Variants in METTL25 observed in about 807,000 individuals in gnomAD.
METTL25 encodes the protein methyltransferase like 25.
Under a neutral mutation model 71.6 loss-of-function variants are expected in METTL25, and 64 were observed. That is an observed-to-expected ratio of 0.89 (90% confidence interval 0.73 to 1.10). The LOEUF (loss-of-function observed/expected upper bound fraction) is 1.10. Among genes scored for constraint, METTL25 ranks in the 50% least tolerant of loss-of-function variants. The pLI, the probability that METTL25 is intolerant of heterozygous loss-of-function variation, is 0.00. For synonymous variants in METTL25, 287 were observed against 250.3 expected, an observed-to-expected ratio of 1.15 and a Z score of -1.38; for missense variants, 807 against 707.0, an observed-to-expected ratio of 1.14 and a Z score of -1.60.
At chr12:82,461,000 G>T (rs575464137) in intron 9 of METTL25, among the ~76,000 whole-genome samples, 3 of 152,056 alleles carry the variant, frequency 2.0e-5, no homozygotes, top group South Asian at 2.1e-4. Context: ...AAAATTAGCC[G>T]GGCATGGTGG....
intron 6 of METTL25, among the ~76,000 whole-genome samples, chr12:82,432,879 AAAAAG>A (rs1424608230): frequency 1.3e-5 from 2 of 151,364 alleles, no homozygotes; most frequent in African/African-American, 4.8e-5. Context: ...AAAAAAAAAA[AAAAAG>A]ATACTTTGCT....
intron 5 of METTL25, among the ~76,000 whole-genome samples, chr12:82,429,081 C>T (rs974768591): frequency 4.6e-5 from 7 of 151,862 alleles, no homozygotes; most frequent in South Asian, 2.1e-4. Flanking sequence ...TTTAAATATA[C>T]AATATATTGT....
intron 2 of METTL25, among the ~76,000 whole-genome samples, chr12:82,389,193 G>A (rs1389211171): frequency 2.0e-5 from 3 of 152,062 alleles, no homozygotes; most frequent in African/African-American, 7.2e-5. Flanking sequence ...CTGCAATGAG[G>A]GAAATGTTCT....
In METTL25 at chr12:82,456,653, T is replaced by C. The variant is rs1375380051; in HGVS notation, c.1479-74T>C. On this transcript the variant is annotated intron_variant, in intron 8 of 11. Transcript: ENST00000248306. ...TATCCACAGAAAATATTTAAAAATA[T>C]TTCATGATTGAAATTAAAACCATCT... 3.9e-6 allele frequency: 3 copies of C among 769,348 alleles called. No homozygotes were observed. In the East Asian group the frequency reaches 8.3e-5, roughly 21 times the overall value. 47.7% of individuals were successfully genotyped at this position (769,348 alleles called of 1,614,324 possible).
intron 9 of METTL25, among the ~76,000 whole-genome samples, chr12:82,472,279 CA>C (rs1892614357): frequency 6.6e-6 from 1 of 152,050 alleles, no homozygotes; most frequent in African/African-American, 2.4e-5. Flanking sequence ...TCATCAATAA[CA>C]TTTTTTTGTT....
chr12:82,420,853 A>G (rs939733079), intron 5 of METTL25, among the ~76,000 whole-genome samples: 1 of 147,886 alleles, frequency 6.8e-6, no homozygotes, highest in East Asian at 2.0e-4. Flanking sequence ...ATGAGGTTTG[A>G]TTTTTTTTTT....
chr12:82,364,249 G>C (rs1360722209), intron 1 of METTL25, among the ~76,000 whole-genome samples: 1 of 152,200 alleles, frequency 6.6e-6, no homozygotes, highest in Non-Finnish European at 1.5e-5. Flanking sequence ...ATTTGCCTCT[G>C]TGATTATCTC....
chr12:82,420,685 G>A lies in METTL25; in HGVS notation c.1280-10208G>A, dbSNP rs78310775. Among the ~76,000 whole-genome samples, 908 of 152,062 alleles carry A rather than the reference G, an allele frequency of 6.0e-3. 2 individuals carry two copies. Among genetic ancestry groups the A allele is most frequent in the African/African-American group, 7.5e-3 (311 of 41,490 alleles). On this transcript the variant is annotated intron_variant, in intron 5 of 11. Transcript: ENST00000248306. ...TTAAAAATCCAAATTGTAAAAAGTC[G>A]AAACAGCAAATGAAGTGTGAAATGA...
intron 1 of METTL25, among the ~76,000 whole-genome samples, chr12:82,384,688 CT>C (rs1218658140): frequency 6.6e-6 from 1 of 151,626 alleles, no homozygotes; most frequent in African/African-American, 2.4e-5. Flanking sequence ...GAGACCTGTA[CT>C]TAAAGGAAAT....
intron 9 of METTL25, among the ~76,000 whole-genome samples, chr12:82,462,553 G>A (rs1891954362): frequency 6.6e-6 from 1 of 151,906 alleles, no homozygotes; most frequent in Non-Finnish European, 1.5e-5. Flanking sequence ...ATATACTTCT[G>A]ACATCTATCT....
chr12:82,444,059 A>G (rs1034591372), intron 8 of METTL25, among the ~76,000 whole-genome samples: 2 of 152,220 alleles, frequency 1.3e-5, no homozygotes, highest in African/African-American at 4.8e-5. Flanking sequence ...TCAGAAAATG[A>G]TACAAATACT....
At chr12:82,442,920 A>G (rs1160850426) in intron 8 of METTL25, among the ~76,000 whole-genome samples, 1 of 152,048 alleles carries the variant, frequency 6.6e-6, no homozygotes, top group Non-Finnish European at 1.5e-5. Context: ...AAATTTATGG[A>G]TAGTCTTAAC....
intron 1 of METTL25, among the ~76,000 whole-genome samples, chr12:82,384,372 C>T (rs1034956137): frequency 7.4e-5 from 4 of 53,862 alleles, no homozygotes; most frequent in Non-Finnish European, 1.2e-4. Flanking sequence ...AGATCATAAA[C>T]AGCTCTCTCT....
chr12:82,431,533 A>G (rs1326178032), intron 6 of METTL25, among the ~76,000 whole-genome samples: 2 of 151,640 alleles, frequency 1.3e-5, no homozygotes, highest in South Asian at 2.1e-4. Context: ...TTAGAGACCT[A>G]AAGTACAACG....
At chr12:82,386,609 A>T (rs1885044696) in intron 1 of METTL25, among the ~76,000 whole-genome samples, 194 bp from the exon 2 acceptor site, 4 of 151,928 alleles carry the variant, frequency 2.6e-5, no homozygotes, top group Admixed American at 2.6e-4. Flanking sequence ...TTAAGAGAAA[A>T]CTGGGTGTTC....
chr12:82,358,857 G>A (rs1418182680), intron 1 of METTL25, 33 bp downstream of exon 1: 1 of 1,567,000 alleles, frequency 6.4e-7, no homozygotes, highest in South Asian at 1.2e-5. Context: ...CGGGAAGGGA[G>A]GCGGAGGAGA....
At chr12:82,361,055 C>G (rs548699147) in intron 1 of METTL25, among the ~76,000 whole-genome samples, 1 of 152,110 alleles carries the variant, frequency 6.6e-6, no homozygotes, top group Admixed American at 6.5e-5. Flanking sequence ...TCGCTGCTGG[C>G]GCCAGCAGTC....
At position 82,386,820 on chromosome 12, in the gene METTL25, A is replaced by C; in HGVS notation, c.277A>C (p.Lys93Gln). 6.2e-7 allele frequency: 1 copy of C among 1,612,912 alleles called. No homozygotes were observed. The highest frequency in any genetic ancestry group is 8.5e-7 in the Non-Finnish European group (1 of 1,179,374). ...TTTTTTAGGTATGACTGATTTTCCC[A>C]AAATATTTTGTGAAACTTCTCAGAA... ...EWEAGMTDFP[K>Q]IFCETSQKLV... is the part of the protein sequence containing the mutation. Residue 93 changes from lysine to glutamine, a missense_variant, in exon 2 of 12, where the codon AAA (lysine) becomes CAA (glutamine). Lys to Gln is a moderately conservative substitution (Grantham distance 53). Transcript: ENST00000248306.
chr12:82,453,844 T>G (rs2642022), intron 8 of METTL25, among the ~76,000 whole-genome samples: 21 of 152,070 alleles, frequency 1.4e-4, no homozygotes, highest in African/African-American at 3.9e-4. Context: ...ATTTATGGAG[T>G]TCCTGCTGTG....
Sources: gnomAD v4.1 joint callset for allele counts (sites outside exome capture counted in the v4.1 genomes callset) on GRCh38, gnomAD v4.1.1 for gene constraint, MANE v1.5 for transcripts, NCBI Gene and HGNC (gene_info 2026-07-23, HGNC 2026-07-21) for gene names.